The following FMN1 variants were observed in gnomAD, a reference collection of about 807,000 sequenced individuals.
The protein encoded by FMN1 is formin 1.
Under a neutral mutation model 132.4 loss-of-function variants are expected in FMN1, and 110 were observed. The observed-to-expected ratio is 0.83, with a 90% CI of 0.71 to 0.97. The LOEUF is 0.97. Among genes scored for constraint, FMN1 ranks in the 50% least tolerant of loss-of-function variants. The pLI is 0.00. For missense variants in FMN1, 1,792 were observed against 1,705.3 expected, an observed-to-expected ratio of 1.05 and a Z score of -0.90; for synonymous variants, 722 against 651.7, an observed-to-expected ratio of 1.11 and a Z score of -1.64.
chr15:33,076,771 G>A (rs1009406810), intron 5 of FMN1, among the ~76,000 whole-genome samples: 5 of 152,130 alleles, frequency 3.3e-5, no homozygotes, highest in African/African-American at 4.8e-5. Flanking sequence ...AAAAAACTAC[G>A]GTATTTTATA....
At chr15:33,066,199 C>T (rs1030857064) in intron 5 of FMN1, among the ~76,000 whole-genome samples, 5 of 152,196 alleles carry the variant, frequency 3.3e-5, no homozygotes, top group Non-Finnish European at 7.3e-5. Context: ...CATCTTGCAT[C>T]ATTTCCTCAT....
intron 4 of FMN1, among the ~76,000 whole-genome samples, chr15:33,151,852 T>C (rs1461490049): frequency 6.6e-6 from 1 of 152,166 alleles, no homozygotes; most frequent in Non-Finnish European, 1.5e-5. Flanking sequence ...GTTATGAAAG[T>C]AGAAAATCTT....
chr15:33,150,854 G>A (rs754179050), intron 4 of FMN1: 133 of 989,570 alleles, frequency 1.3e-4, no homozygotes, highest in Non-Finnish European at 1.5e-4. Context: ...CTGGGAGAAA[G>A]GTGGGAGTTG....
At chr15:33,019,655 C>A (rs928708315) in intron 6 of FMN1, among the ~76,000 whole-genome samples, 19 of 152,220 alleles carry the variant, frequency 1.2e-4, no homozygotes, top group African/African-American at 4.1e-4. Context: ...GGGGACAAAT[C>A]GAGCGCAGCA....
At chr15:32,931,125 G>A (rs1197198802) in intron 9 of FMN1, among the ~76,000 whole-genome samples, 1 of 152,130 alleles carries the variant, frequency 6.6e-6, no homozygotes, top group Non-Finnish European at 1.5e-5. Flanking sequence ...TTCAGAAAGT[G>A]TGAGTTCCCT....
At chr15:32,859,930 T>G (rs1356826176) in intron 16 of FMN1, among the ~76,000 whole-genome samples, 2 of 152,018 alleles carry the variant, frequency 1.3e-5, no homozygotes, top group Non-Finnish European at 2.9e-5. Context: ...CCCAGCTACA[T>G]GGGAGGCTGA....
intron 6 of FMN1, 93 bp from the exon 7 acceptor site, chr15:33,008,168 T>A: frequency 1.0e-6 from 1 of 960,290 alleles, no homozygotes; most frequent in South Asian, 1.5e-5. Flanking sequence ...CTGACTAAAA[T>A]AAATGCCACA....
At chr15:32,940,164 T>C (rs900287634) in intron 9 of FMN1, among the ~76,000 whole-genome samples, 1 of 152,164 alleles carries the variant, frequency 6.6e-6, no homozygotes, top group African/African-American at 2.4e-5. Flanking sequence ...TTTTCAACCT[T>C]TGCCTGCTGA....
chr15:32,840,205 G>A (rs1157351470), intron 17 of FMN1, among the ~76,000 whole-genome samples: 1 of 152,156 alleles, frequency 6.6e-6, no homozygotes, highest in East Asian at 1.9e-4. Flanking sequence ...AGCCCTTAGT[G>A]AGCATCTGTG....
chr15:32,944,047 T>C (rs347916), intron 9 of FMN1, among the ~76,000 whole-genome samples: 2,478 of 152,258 alleles, frequency 0.016, 70 homozygotes, highest in African/African-American at 0.057. Flanking sequence ...AATATGGCAG[T>C]GACTACAAAT....
chr15:33,004,812 A>G (rs890212105), intron 7 of FMN1, among the ~76,000 whole-genome samples: 3 of 152,292 alleles, frequency 2.0e-5, no homozygotes, highest in African/African-American at 7.2e-5. Flanking sequence ...TGATAGACTG[A>G]ATTAAGAAAA....
At chr15:33,128,080 A>G (rs1322267762) in intron 4 of FMN1, among the ~76,000 whole-genome samples, 1 of 152,196 alleles carries the variant, frequency 6.6e-6, no homozygotes, top group Admixed American at 6.5e-5. Flanking sequence ...AGATGGGAGA[A>G]GAAAACCAAG....
At chr15:32,913,296 A>T (rs944095296) in intron 10 of FMN1, among the ~76,000 whole-genome samples, 3 of 152,198 alleles carry the variant, frequency 2.0e-5, no homozygotes, top group African/African-American at 4.8e-5. Flanking sequence ...AATATTTCTC[A>T]TCAATCCATC....
chr15:32,882,736 T>TA (rs941818492), intron 16 of FMN1, among the ~76,000 whole-genome samples: 19 of 151,856 alleles, frequency 1.3e-4, no homozygotes, highest in African/African-American at 2.4e-4. Flanking sequence ...CACTTACATT[T>TA]AAAAAAAAAC....
chr15:33,187,174 T>A (rs1201717481), intron 2 of FMN1, among the ~76,000 whole-genome samples: 1 of 152,204 alleles, frequency 6.6e-6, no homozygotes, highest in Non-Finnish European at 1.5e-5. Flanking sequence ...TACTTTTATT[T>A]CTCCTTGTAT....
chr15:33,072,990 T>C (rs769838625), intron 5 of FMN1, among the ~76,000 whole-genome samples: 40 of 151,908 alleles, frequency 2.6e-4, no homozygotes, highest in Non-Finnish European at 4.9e-4. Flanking sequence ...TAAGAACAAT[T>C]GCAATAAAAG....
At chr15:33,029,108 G>C (rs2035815299) in intron 6 of FMN1, among the ~76,000 whole-genome samples, 1 of 152,070 alleles carries the variant, frequency 6.6e-6, no homozygotes, top group Admixed American at 6.6e-5. Context: ...GAATCTTAAG[G>C]ACAGAGTCTC....
At chr15:33,030,294 T>G (rs1015516923) in intron 6 of FMN1, among the ~76,000 whole-genome samples, 1 of 152,246 alleles carries the variant, frequency 6.6e-6, no homozygotes, top group African/African-American at 2.4e-5. Context: ...TGGAATGGGT[T>G]ATCCCAGTGT....
At chr15:32,918,472 A>C (rs2060738529) in intron 10 of FMN1, among the ~76,000 whole-genome samples, 2 of 152,178 alleles carry the variant, frequency 1.3e-5, no homozygotes, top group African/African-American at 4.8e-5. Flanking sequence ...ACAATCGCAA[A>C]AGGGATACTT....
Sources: allele counts gnomAD v4.1 joint callset (sites outside exome capture counted in the v4.1 genomes callset), GRCh38; gene constraint gnomAD v4.1.1; transcripts MANE v1.5; gene names NCBI Gene and HGNC (gene_info 2026-07-23, HGNC 2026-07-21).